STAU2: variants seen among roughly 807,000 people sequenced by gnomAD.
The protein encoded by STAU2 is double-stranded RNA-binding protein Staufen homolog 2.
In STAU2, 20 loss-of-function variants were observed where a neutral mutation model predicts 65.9. The ratio of observed to expected loss-of-function variants is 0.30; its 90% confidence interval spans 0.21 to 0.44. STAU2 has a LOEUF of 0.44. Ranked by LOEUF, STAU2 falls within the 20% of genes least tolerant of loss-of-function variation. The pLI is 1.00. For missense variants in STAU2, 558 were observed against 683.9 expected (o/e 0.82, Z 2.05); for synonymous variants, 232 against 233.9 (o/e 0.99, Z 0.07).
At chr8:73,500,326 G>A (rs185049435) in intron 13 of STAU2, among the ~76,000 whole-genome samples, 2 of 151,990 alleles carry the variant, frequency 1.3e-5, no homozygotes, top group East Asian at 3.9e-4. Context: ...CTACCACTTC[G>A]TTGGTGTGGA....
At chr8:73,723,127 T>TAC (rs1250901552) in intron 3 of STAU2, among the ~76,000 whole-genome samples, 54 of 147,762 alleles carry the variant, frequency 3.7e-4, no homozygotes, top group African/African-American at 1.0e-3. Context: ...CACACACACA[T>TAC]ACACACACAC....
chr8:73,732,243 C>T (rs770581664), intron 3 of STAU2, among the ~76,000 whole-genome samples: 2 of 152,210 alleles, frequency 1.3e-5, no homozygotes, highest in Non-Finnish European at 2.9e-5. Context: ...GGGCCATTCA[C>T]AACATGGCAG....
rs1176188030 is a variant in STAU2 at position 73,688,781 on chromosome 8, C to T, written c.147G>A (p.Gln49=). Residue 49 remains glutamine (Q), a synonymous_variant, in exon 5 of 15, where the codon CAG becomes CAA. Transcript: ENST00000524300. ...TACTGCTGCCTTCGGATTCCCATGT[C>T]TGCTCACCAAGACTCAGCTGCACTG... ...MFSVQLSLGE[Q]TWESEGSSIK... The T allele has an allele frequency of 2.5e-6, 4 of 1,614,058 alleles. No individual in the cohort carries two copies. Among genetic ancestry groups the T allele is most frequent in the Non-Finnish European group, 1.7e-6 (2 of 1,180,044 alleles).
intron 6 of STAU2, among the ~76,000 whole-genome samples, chr8:73,670,985 G>T (rs151277970): frequency 6.6e-6 from 1 of 152,020 alleles, no homozygotes; most frequent in African/African-American, 2.4e-5. Flanking sequence ...TAGACTGAAG[G>T]TTAACATCCT....
chr8:73,620,522 T>C (rs1586137340), intron 6 of STAU2, among the ~76,000 whole-genome samples: 1 of 152,176 alleles, frequency 6.6e-6, no homozygotes, highest in East Asian at 1.9e-4. Flanking sequence ...CACATAACCA[T>C]ACTGAAACAA....
intron 1 of STAU2, chr8:73,742,170 A>C (rs1806931201): frequency 1.2e-5 from 12 of 982,862 alleles, no homozygotes; most frequent in Admixed American, 6.2e-5. Flanking sequence ...TATTTTAAAC[A>C]ATTTGCTAAA....
chr8:73,640,545 A>G (rs771918757), intron 6 of STAU2, among the ~76,000 whole-genome samples: 13 of 152,222 alleles, frequency 8.5e-5, no homozygotes, highest in Non-Finnish European at 1.8e-4. Flanking sequence ...GAAAGCAGTC[A>G]TAGACAATAC....
intron 13 of STAU2, chr8:73,439,185 C>T (rs772850049): frequency 3.4e-5 from 13 of 377,460 alleles, no homozygotes; most frequent in Non-Finnish European, 3.7e-5. Flanking sequence ...CTGGCTGATG[C>T]GCAGTTGGGA....
chr8:73,544,584 T>C (rs1033785137), intron 13 of STAU2, among the ~76,000 whole-genome samples: 1 of 152,226 alleles, frequency 6.6e-6, no homozygotes, highest in Non-Finnish European at 1.5e-5. Context: ...CCTTTTCTTA[T>C]CCACCTTAAA....
intron 5 of STAU2, among the ~76,000 whole-genome samples, chr8:73,682,893 C>A (rs1004171543): frequency 6.6e-6 from 1 of 152,054 alleles, no homozygotes; most frequent in African/African-American, 2.4e-5. Flanking sequence ...TGGAAATATA[C>A]AACCCTTCTA....
At chr8:73,710,087 C>G (rs909431146) in intron 3 of STAU2, among the ~76,000 whole-genome samples, 2 of 152,108 alleles carry the variant, frequency 1.3e-5, no homozygotes, top group Non-Finnish European at 2.9e-5. Context: ...AGCATGCTGT[C>G]AAATAGCTCT....
In STAU2 at chr8:73,616,374, T is replaced by C. The variant is rs147698761; in HGVS notation, c.571-592A>G. 5.0e-3 allele frequency among the ~76,000 whole-genome samples: 761 copies of C among 152,152 alleles called. 6 individuals are homozygous for C. The highest frequency in any genetic ancestry group is 5.1e-3 in the Non-Finnish European group (344 of 68,004). ...GTGGGAAAACAGATCAAGAAATAGA[T>C]AGGAGCTCTCATGAAAGAGTACAAG... On this transcript the variant is annotated intron_variant, in intron 7 of 14. Coordinates refer to ENST00000524300, the MANE Select transcript of STAU2 (RefSeq NM_001164380.2).
At chr8:73,594,048 G>C (rs1811009121) in intron 11 of STAU2, among the ~76,000 whole-genome samples, 1 of 152,116 alleles carries the variant, frequency 6.6e-6, no homozygotes, top group South Asian at 2.1e-4. Flanking sequence ...TCTGTGAGGA[G>C]ATTTATTTTG....
At chr8:73,586,069 C>T (rs751143958) in intron 11 of STAU2, among the ~76,000 whole-genome samples, 2 of 152,202 alleles carry the variant, frequency 1.3e-5, no homozygotes, top group Non-Finnish European at 2.9e-5. Flanking sequence ...TATAAATTAC[C>T]CAATCTCTAG....
intron 6 of STAU2, chr8:73,653,792 T>C (rs1816087339): frequency 5.7e-6 from 2 of 348,338 alleles, no homozygotes; most frequent in South Asian, 4.5e-5. Flanking sequence ...CATGACACCT[T>C]TAGGAGTCTT....
chr8:73,494,519 T>C (rs1821300424), intron 13 of STAU2, among the ~76,000 whole-genome samples: 1 of 151,728 alleles, frequency 6.6e-6, no homozygotes. Context: ...ACTTGTTTAT[T>C]TTTGTACTCA....
At chr8:73,577,765 C>T (rs1282415461) in intron 12 of STAU2, among the ~76,000 whole-genome samples, 5 of 152,232 alleles carry the variant, frequency 3.3e-5, no homozygotes, top group African/African-American at 4.8e-5. Flanking sequence ...TGACAATTTG[C>T]GTGGATCAGA....
chr8:73,661,360 G>T (rs556525737), intron 6 of STAU2, among the ~76,000 whole-genome samples: 13 of 152,206 alleles, frequency 8.5e-5, no homozygotes, highest in African/African-American at 3.1e-4. Context: ...TTGGCCAAAT[G>T]CTTGAGAAGC....
At chr8:73,445,660 CA>C (rs141841345) in intron 13 of STAU2, among the ~76,000 whole-genome samples, 3,743 of 152,226 alleles carry the variant, frequency 0.025, 145 homozygotes, top group African/African-American at 0.086. Context: ...CAAAACTCAA[CA>C]GTGGAAACAA....
Sources: gnomAD v4.1 joint callset for allele counts (sites outside exome capture counted in the v4.1 genomes callset) on GRCh38, gnomAD v4.1.1 for gene constraint, MANE v1.5 for transcripts, NCBI Gene and HGNC (gene_info 2026-07-23, HGNC 2026-07-21) for gene names.